Variants in SYNPO observed in about 807,000 individuals in gnomAD.
SYNPO encodes synaptopodin.
A neutral mutation model predicts 49.5 loss-of-function variants in SYNPO; 19 were observed. The observed-to-expected ratio is 0.38, with a 90% confidence interval of 0.27 to 0.56. The LOEUF is 0.56. Among genes scored for constraint, SYNPO ranks in the 20% least tolerant of loss-of-function variants. SYNPO has a pLI of 0.68. For missense variants in SYNPO, 1,131 were observed against 1,248.3 expected (o/e 0.91, Z 1.42); for synonymous variants, 536 against 548.0 (o/e 0.98, Z 0.31).
Position 150,657,273 on chromosome 5 carries a change from T to G in SYNPO, c.*186T>G. 1 of 658,446 alleles carries G rather than the reference T, an allele frequency of 1.5e-6. No homozygotes were observed. 40.8% of individuals were successfully genotyped at this position (658,446 alleles called of 1,614,324 possible). A position where few individuals can be genotyped will look rare whatever the true frequency, so the allele number is the denominator to read the frequency against. Reference sequence around the variant, plus strand: ...TCTAGCCCTTGCTCTCATTCAGCTGTTGTGTGACCCTGGGTAAGACCCTTC... The same window carrying G: ...TCTAGCCCTTGCTCTCATTCAGCTGGTGTGTGACCCTGGGTAAGACCCTTC... On this transcript the variant is annotated 3_prime_UTR_variant, in exon 3 of 3. Transcript: ENST00000307662.
intron 2 of SYNPO, among the ~76,000 whole-genome samples, chr5:150,656,203 C>T (rs1052751460): frequency 3.3e-5 from 5 of 152,116 alleles, no homozygotes; most frequent in Non-Finnish European, 7.4e-5. Context: ...AACACGGAGG[C>T]AGACACAAGA....
At chr5:150,611,081 G>T (rs1756833611) in intron 1 of SYNPO, among the ~76,000 whole-genome samples, 1 of 152,180 alleles carries the variant, frequency 6.6e-6, no homozygotes, top group Admixed American at 6.5e-5. Flanking sequence ...AATGGCATCT[G>T]TTAAGATTTG....
intron 1 of SYNPO, among the ~76,000 whole-genome samples, chr5:150,641,558 C>T (rs1429044293): frequency 1.3e-5 from 2 of 152,176 alleles, no homozygotes; most frequent in Non-Finnish European, 2.9e-5. Flanking sequence ...CACCTCCCTC[C>T]TGTGGATCCT....
intron 1 of SYNPO, among the ~76,000 whole-genome samples, chr5:150,641,414 T>C (rs1224785590): frequency 6.6e-6 from 1 of 152,226 alleles, no homozygotes; most frequent in African/African-American, 2.4e-5. Context: ...TCTCTATTCC[T>C]ACCCCTGGCT....
chr5:150,639,231 G>T (rs1158913392), upstream of SYNPO, among the ~76,000 whole-genome samples: 1 of 152,206 alleles, frequency 6.6e-6, no homozygotes, highest in Non-Finnish European at 1.5e-5. Flanking sequence ...CCTCATCTTA[G>T]CTTCCCCTTA....
At chr5:150,651,930 G>A (rs1758402313) in intron 2 of SYNPO, 15 of 1,000,488 alleles carry the variant, frequency 1.5e-5, no homozygotes, top group Non-Finnish European at 1.7e-5. Flanking sequence ...GATTCAGATG[G>A]AAGCTTCGCA....
Position 150,628,036 on chromosome 5 carries a change from CTG to C in SYNPO, c.400+9298_400+9299del, listed in dbSNP as rs3062926. ...TGTGTGTTTCTGTGTGTGTGTGTTT[CTG>C]TGTGTGTGTGTGTGTGTGTGTGTGT... On this transcript the variant is annotated intron_variant, in intron 2 of 2. Coordinates refer to the SYNPO transcript ENST00000394243. Among the ~76,000 whole-genome samples the C allele has an allele frequency of 4.5e-3, 632 of 141,630 alleles. 1 individual carries two copies. Among genetic ancestry groups the C allele is most frequent in the Middle Eastern group, 0.018 (5 of 278 alleles). 92.9% of individuals were successfully genotyped at this position (141,630 alleles called of 152,430 possible).
At chr5:150,603,359 G>C (rs978458029) in intron 1 of SYNPO, among the ~76,000 whole-genome samples, 44 of 152,240 alleles carry the variant, frequency 2.9e-4, no homozygotes, top group Non-Finnish European at 5.9e-4. Context: ...CTGGGAGGGT[G>C]CAAGGGTTCT....
the SYNPO span, among the ~76,000 whole-genome samples, chr5:150,588,706 A>AG: frequency 2.0e-5 from 3 of 151,880 alleles, no homozygotes; most frequent in African/African-American, 7.3e-5. Context: ...CGGTGCTCCC[A>AG]GGAGCTCCCA....
rs202224903 is a variant in SYNPO at position 150,649,939 on chromosome 5, T to C, written c.1664T>C (p.Leu555Pro). The change falls in exon 2 of 3, where the codon CTG becomes CCG. Residue 555 changes from leucine (L) to proline (P), a missense_variant. Leu to Pro is a moderately conservative substitution (Grantham distance 98). Coordinates refer to ENST00000307662, the MANE Select transcript of SYNPO (RefSeq NM_007286.6). ...YHGYLPENGV[L>P]RPEPTKQPPY... ...GGCTACCTGCCTGAGAACGGGGTCC[T>C]GCGCCCAGAGCCCACCAAGCAGCCG... 6.7e-4 allele frequency: 1,086 copies of C among 1,612,414 alleles called. 1 individual carries two copies. The highest frequency in any genetic ancestry group is 7.2e-4 in the Admixed American group (43 of 60,036).
intron 2 of SYNPO, among the ~76,000 whole-genome samples, chr5:150,624,563 C>T (rs1341566783): frequency 6.6e-6 from 1 of 151,584 alleles, no homozygotes; most frequent in Non-Finnish European, 1.5e-5. Flanking sequence ...GGTGCCCCCG[C>T]CTGGAGATGG....
chr5:150,647,908 C>T, intron 1 of SYNPO, 36 bp from the exon 2 acceptor site: 1 of 1,534,170 alleles, frequency 6.5e-7, no homozygotes, highest in Non-Finnish European at 8.8e-7. Context: ...TCACTGCATT[C>T]CTGTTTGCTA....
At chr5:150,608,628 C>G (rs1581451239) in intron 1 of SYNPO, 1 of 152,124 alleles carries the variant, frequency 6.6e-6, no homozygotes, top group Admixed American at 6.5e-5. Context: ...TGCACTTTCC[C>G]CATCCCTGTA....
At chr5:150,634,900 C>T (rs1366146725) in intron 2 of SYNPO, among the ~76,000 whole-genome samples, 1 of 152,036 alleles carries the variant, frequency 6.6e-6, no homozygotes, top group Non-Finnish European at 1.5e-5. Flanking sequence ...TCTCCACAGC[C>T]ACATGATCCC....
At chr5:150,604,859 G>C (rs1756647941) in intron 1 of SYNPO, among the ~76,000 whole-genome samples, 1 of 152,196 alleles carries the variant, frequency 6.6e-6, no homozygotes, top group African/African-American at 2.4e-5. Context: ...ACAGAGGGGA[G>C]AATGCGGAAG....
At chr5:150,640,059 G>T (rs1373824401), upstream of SYNPO, 2 of 855,754 alleles carry the variant, frequency 2.3e-6, no homozygotes, top group Admixed American at 6.2e-5. Context: ...CTAATATGGA[G>T]ATGAGGATAG....
At chr5:150,652,505 T>A in intron 2 of SYNPO, 1 of 702,058 alleles carries the variant, frequency 1.4e-6, no homozygotes, top group Non-Finnish European at 1.8e-6. Context: ...TCTGCACTGG[T>A]ACAGACGTGT....
At position 150,648,702 on chromosome 5, in the gene SYNPO, C is replaced by T; in HGVS notation, c.427C>T (p.Pro143Ser). The change falls in exon 2 of 3, where the codon CCC (proline) becomes TCC (serine). Residue 143 changes from proline (P) to serine (S), a missense_variant. Physicochemically the swap from Pro to Ser is moderately conservative, Grantham distance 74. Coordinates refer to ENST00000307662, the MANE Select transcript of SYNPO (RefSeq NM_007286.6). This position sits in a 1 kb window ranked among gnomAD's most constrained non-coding sequence, Gnocchi z 5.0. ...KPSTLCADGQPQAPAEEVRCS... is the reference protein window; with the variant it reads ...KPSTLCADGQSQAPAEEVRCS... Reference sequence around the variant, plus strand: ...CAGCACCCTGTGTGCTGATGGGCAACCCCAGGCACCGGCTGAGGAGGTGAG... The same window carrying T: ...CAGCACCCTGTGTGCTGATGGGCAATCCCAGGCACCGGCTGAGGAGGTGAG... 1 of 1,614,208 alleles carries T rather than the reference C, an allele frequency of 6.2e-7. No individual in the cohort carries two copies. The highest frequency in any genetic ancestry group is 2.2e-5 in the East Asian group (1 of 44,878).
the SYNPO span, among the ~76,000 whole-genome samples, chr5:150,594,518 A>G: frequency 6.6e-6 from 1 of 152,122 alleles, no homozygotes; most frequent in South Asian, 2.1e-4. Context: ...CTGCCCCTGG[A>G]TCTGCTGCCA....
Sources: allele counts gnomAD v4.1 joint callset (sites outside exome capture counted in the v4.1 genomes callset), GRCh38; gene constraint gnomAD v4.1.1; non-coding constraint Gnocchi (gnomAD v3.1); transcripts MANE v1.5; gene names NCBI Gene and HGNC (gene_info 2026-07-23, HGNC 2026-07-21).